CD274: variants seen among roughly 807,000 people sequenced by gnomAD.
CD274 encodes programmed cell death 1 ligand 1.
A neutral mutation model predicts 30.1 loss-of-function variants in CD274; 8 were observed. The ratio of observed to expected loss-of-function variants is 0.27; its 90% CI spans 0.16 to 0.48. The LOEUF (loss-of-function observed/expected upper bound fraction) is 0.48, where lower values mean the gene tolerates loss of function less well. CD274 is among the 20% of genes least tolerant of loss of function. The pLI is 0.99. For missense variants in CD274, 353 were observed against 346.6 expected, an observed-to-expected ratio of 1.02 and a Z score of -0.15; for synonymous variants, 152 against 124.6, an observed-to-expected ratio of 1.22 and a Z score of -1.46.
chr9:5,467,455 G>T (rs1356098396), intron 6 of CD274, among the ~76,000 whole-genome samples: 3 of 152,136 alleles, frequency 2.0e-5, no homozygotes, highest in African/African-American at 7.2e-5. Flanking sequence ...TAAGAAGAAA[G>T]TTATATTAAG....
intron 1 of CD274, among the ~76,000 whole-genome samples, chr9:5,452,560 G>T (rs2890657): frequency 6.6e-6 from 1 of 152,066 alleles, no homozygotes; most frequent in Non-Finnish European, 1.5e-5. Context: ...TCTTCTCTTA[G>T]ACCAACTGCC....
At chr9:5,460,653 T>C (rs1207996947) in intron 3 of CD274, among the ~76,000 whole-genome samples, 2 of 152,202 alleles carry the variant, frequency 1.3e-5, no homozygotes, top group Admixed American at 6.5e-5. Flanking sequence ...GTCTGGGCCC[T>C]TAATAACCAC....
intron 3 of CD274, among the ~76,000 whole-genome samples, chr9:5,459,095 A>G (rs1819358239): frequency 6.6e-6 from 1 of 152,150 alleles, no homozygotes; most frequent in Non-Finnish European, 1.5e-5. Context: ...TGGGCTCCAT[A>G]ATATCCCTTG....
At chr9:5,458,947 A>G (rs1244091569) in intron 3 of CD274, among the ~76,000 whole-genome samples, 2 of 152,218 alleles carry the variant, frequency 1.3e-5, no homozygotes, top group African/African-American at 4.8e-5. Context: ...AAGGAAGAGT[A>G]TAATCCTGGC....
chr9:5,463,994 T>C (rs1009003678), intron 4 of CD274, among the ~76,000 whole-genome samples: 3 of 152,140 alleles, frequency 2.0e-5, no homozygotes, highest in African/African-American at 7.2e-5. Context: ...AGCTGCTCAC[T>C]GCCCCCTCCC....
At position 5,462,962 on chromosome 9, in the gene CD274, C is replaced by G. The variant is rs2131223639; in HGVS notation, c.523C>G (p.Leu175Val). ...VIWTSSDHQV[L>V]SGKTTTTNSK... Reference sequence around the variant, plus strand: ...CTGGACAAGCAGTGACCATCAAGTCCTGAGTGGTAAGACCACCACCACCAA... The same window carrying G: ...CTGGACAAGCAGTGACCATCAAGTCGTGAGTGGTAAGACCACCACCACCAA... Residue 175 changes from leucine (L) to valine (V), a missense_variant, in exon 4 of 7, where the codon CTG becomes GTG. Leu to Val is a conservative substitution (Grantham distance 32, BLOSUM62 1). Coordinates refer to ENST00000381577, the MANE Select transcript of CD274 (RefSeq NM_014143.4). 2 of 1,614,096 alleles carry G rather than the reference C, an allele frequency of 1.2e-6. No homozygotes were observed. Among genetic ancestry groups the G allele is most frequent in the Non-Finnish European group, 8.5e-7 (1 of 1,179,952 alleles).
chr9:5,456,049 A>G (rs1331492622), intron 1 of CD274, 51 bp from the exon 2 acceptor site: 7 of 986,534 alleles, frequency 7.1e-6, no homozygotes, highest in Non-Finnish European at 1.1e-5. Context: ...GTCATATTGT[A>G]TGTTTAATTA....
In CD274 at chr9:5,463,060, C is replaced by G; in HGVS notation, c.621C>G (p.Phe207Leu). The change falls in exon 4 of 7, where the codon TTC becomes TTG. Residue 207 changes from phenylalanine to leucine, a missense_variant. Phe to Leu is a conservative substitution (Grantham distance 22). Transcript: ENST00000381577. ...LRINTTTNEI[F>L]YCTFRRLDPE... ...TCAACACAACAACTAATGAGATTTT[C>G]TACTGCACTTTTAGGAGATTAGATC... 6.2e-7 allele frequency: 1 copy of G among 1,613,956 alleles called. No individual in the cohort carries two copies. Among genetic ancestry groups the G allele is most frequent in the Non-Finnish European group, 8.5e-7 (1 of 1,179,844 alleles).
intron 3 of CD274, among the ~76,000 whole-genome samples, chr9:5,461,887 A>G (rs943209201): frequency 7.9e-5 from 12 of 152,270 alleles, no homozygotes; most frequent in African/African-American, 2.6e-4. Flanking sequence ...TTAAAATGTA[A>G]ATATCATAAT....
chr9:5,462,835 C>T lies in CD274; in HGVS notation c.396C>T (p.Ala132=), dbSNP rs750973343. Residue 132 remains alanine, a splice_region_variant and synonymous_variant, in exon 4 of 7, where the codon GCC becomes GCT. Transcript: ENST00000381577. ...DYKRITVKVN[A]PYNKINQRIL... ...GACTTCTTTTTGTTTATGTCCTAGC[C>T]CCATACAACAAAATCAACCAAAGAA... 7 of 1,612,628 alleles carry T rather than the reference C, an allele frequency of 4.3e-6. No individual in the cohort carries two copies. The highest frequency in any genetic ancestry group is 5.9e-6 in the Non-Finnish European group (7 of 1,178,920).
intron 3 of CD274, among the ~76,000 whole-genome samples, chr9:5,462,064 A>C (rs1311888734): frequency 6.6e-6 from 1 of 152,318 alleles, no homozygotes; most frequent in East Asian, 1.9e-4. Context: ...CCGGGTAAGG[A>C]GTATACAGTA....
chr9:5,457,483 CTT>C, intron 3 of CD274, 63 bp downstream of exon 3: 2 of 1,319,906 alleles, frequency 1.5e-6, no homozygotes, highest in Non-Finnish European at 2.1e-6. Flanking sequence ...GTGTTGAAGA[CTT>C]TTCATTCTTG....
chr9:5,456,011 TTC>T lies in CD274; in HGVS notation c.-14-88_-14-87del, dbSNP rs1819295024. On this transcript the variant is annotated intron_variant, in intron 1 of 6. Transcript: ENST00000381577. ...TCATGACTGGTTATTAGAAGACTAT[TTC>T]AGTTAGAACCACCAAGTCCCATATT... 3 of 785,648 alleles carry T rather than the reference TTC, an allele frequency of 3.8e-6. No individual in the cohort carries two copies. The East Asian group carries it at 7.7e-5, about 20-fold the overall frequency. 48.7% of individuals were successfully genotyped at this position (785,648 alleles called of 1,614,324 possible).
chr9:5,463,766 A>G (rs532773317), intron 4 of CD274, among the ~76,000 whole-genome samples: 17 of 152,192 alleles, frequency 1.1e-4, no homozygotes, highest in Non-Finnish European at 2.2e-4. Context: ...TAGGATTATA[A>G]TCTACTGAGC....
At chr9:5,460,743 G>T (rs1032025945) in intron 3 of CD274, among the ~76,000 whole-genome samples, 20 of 152,026 alleles carry the variant, frequency 1.3e-4, no homozygotes, top group African/African-American at 4.6e-4. Flanking sequence ...CCTTTTCTTG[G>T]TTTTGATTGT....
intron 1 of CD274, among the ~76,000 whole-genome samples, chr9:5,453,416 T>A (rs1819242937): frequency 6.6e-6 from 1 of 152,212 alleles, no homozygotes; most frequent in Non-Finnish European, 1.5e-5. Context: ...AAAAATGTTC[T>A]TTTTCTTTGA....
intron 3 of CD274, among the ~76,000 whole-genome samples, chr9:5,460,161 A>G (rs758339074): frequency 6.6e-6 from 1 of 152,190 alleles, no homozygotes; most frequent in East Asian, 1.9e-4. Flanking sequence ...GATTTCCTCA[A>G]ATAGGATTAG....
chr9:5,465,700 A>C (rs1819487295), intron 5 of CD274, 94 bp downstream of exon 5: 2 of 735,208 alleles, frequency 2.7e-6, no homozygotes, highest in South Asian at 3.2e-5. Flanking sequence ...TAACCTCTGC[A>C]AGGTGGTGCA....
intron 1 of CD274, among the ~76,000 whole-genome samples, chr9:5,452,058 C>T (rs1396667140): frequency 1.4e-5 from 2 of 142,704 alleles, no homozygotes; most frequent in African/African-American, 2.6e-5. Context: ...CAGAGTCTCA[C>T]TCTGTTGCCC....
Sources: allele counts gnomAD v4.1 joint callset (sites outside exome capture counted in the v4.1 genomes callset), GRCh38; gene constraint gnomAD v4.1.1; transcripts MANE v1.5; gene names NCBI Gene and HGNC (gene_info 2026-07-23, HGNC 2026-07-21).